The following UTRN variants were observed in gnomAD, a reference collection of about 807,000 sequenced individuals.
UTRN encodes the protein dystrophin-related protein 1.
In UTRN, 283 loss-of-function variants were observed where a neutral mutation model predicts 463.9. That is an observed-to-expected ratio of 0.61 (90% CI 0.55 to 0.67). The LOEUF is 0.67. Ranked by LOEUF, UTRN falls within the 30% of genes least tolerant of loss-of-function variation. UTRN has a pLI of 0.00. For missense variants in UTRN, 3,922 were observed against 4,084.3 expected (o/e 0.96, Z 1.08); for synonymous variants, 1,442 against 1,431.5 (o/e 1.01, Z -0.17).
At chr6:144,371,655 T>G (rs6903993) in intron 2 of UTRN, among the ~76,000 whole-genome samples, 20,344 of 150,510 alleles carry the variant, frequency 0.14, 4,100 homozygotes, top group African/African-American at 0.44. Flanking sequence ...TGATCTGCCG[T>G]CCTCGGCCTC....
At chr6:144,358,075 T>C (rs996625647) in intron 2 of UTRN, among the ~76,000 whole-genome samples, 2 of 152,342 alleles carry the variant, frequency 1.3e-5, no homozygotes, top group Middle Eastern at 3.4e-3. Context: ...TCTGTGCTCT[T>C]TGCTGAAAAA....
At chr6:144,527,371 A>G (rs1796659177) in intron 41 of UTRN, among the ~76,000 whole-genome samples, 1 of 152,174 alleles carries the variant, frequency 6.6e-6, no homozygotes, top group Non-Finnish European at 1.5e-5. Context: ...TCTTCTGTTA[A>G]TGTGATAGAT....
chr6:144,614,154 T>C (rs1240319863), intron 51 of UTRN, among the ~76,000 whole-genome samples: 3 of 152,084 alleles, frequency 2.0e-5, no homozygotes, highest in Non-Finnish European at 4.4e-5. Flanking sequence ...CCTGAAAGAA[T>C]AGGTATAATG....
At chr6:144,559,109 AT>A (rs3061854) in intron 50 of UTRN, among the ~76,000 whole-genome samples, 10,610 of 144,250 alleles carry the variant, frequency 0.074, 920 homozygotes, top group African/African-American at 0.21. Context: ...TCTTCTTCTT[AT>A]TTTTTTTTTT....
At chr6:144,385,769 T>C (rs1781361966) in intron 2 of UTRN, among the ~76,000 whole-genome samples, 2 of 151,152 alleles carry the variant, frequency 1.3e-5, no homozygotes, top group Non-Finnish European at 2.9e-5. Flanking sequence ...AGTGCAGAGG[T>C]GCGATCTCGG....
rs2114761996 is a variant in UTRN, at chr6:144,389,910, A to T, written c.80-13213A>T. Among the ~76,000 whole-genome samples the T allele has an allele frequency of 2.0e-5, 3 of 151,894 alleles. No individual in the cohort carries two copies. In the South Asian group the frequency reaches 6.2e-4, roughly 32 times the overall value. On this transcript the variant is annotated intron_variant, in intron 2 of 74. Transcript: ENST00000367545. ...CACTGTGCCCAGCCTTTCCTTCATT[A>T]CTCTTATAATAATTCAGTAGTCCAG... is the stretch of plus-strand genomic sequence containing the variant.
intron 51 of UTRN, among the ~76,000 whole-genome samples, chr6:144,644,471 G>C (rs1049228279): frequency 3.2e-4 from 49 of 152,016 alleles, no homozygotes; most frequent in Non-Finnish European, 5.9e-5. Context: ...TTTACAAACT[G>C]TTAATATCAT....
chr6:144,733,787 G>A (rs544044451), intron 54 of UTRN, among the ~76,000 whole-genome samples: 1 of 152,238 alleles, frequency 6.6e-6, no homozygotes, highest in African/African-American at 2.4e-5. Flanking sequence ...TAACAGATGA[G>A]AAAACTGAGG....
At chr6:144,585,228 T>A (rs1802353616) in intron 51 of UTRN, among the ~76,000 whole-genome samples, 1 of 152,164 alleles carries the variant, frequency 6.6e-6, no homozygotes, top group Non-Finnish European at 1.5e-5. Context: ...ACTTCTTGAT[T>A]TATAATTTCC....
At position 144,458,925 on chromosome 6, in the gene UTRN, A is replaced by G. The variant is rs1789137061; in HGVS notation, c.2440A>G (p.Ile814Val). The change falls in exon 20 of 75, where the codon ATC becomes GTC. Residue 814 changes from isoleucine (I) to valine (V), a missense_variant. This residue lies in a region of UTRN where 2,349 missense variants were observed against 2,303.8 expected (regional missense o/e 1.02). Coordinates refer to ENST00000367545, the MANE Select transcript of UTRN (RefSeq NM_007124.3). ...GCAGCTTGATGAGCTTGAAAAGGTCATCAAGACAAAGGAGGAGTGGGTAAA... is the reference window on the plus strand; with the variant it reads ...GCAGCTTGATGAGCTTGAAAAGGTCGTCAAGACAAAGGAGGAGTGGGTAAA... ...FKQLDELEKV[I>V]KTKEEWVKHT... 6.2e-7 allele frequency: 1 copy of G among 1,613,856 alleles called. No individual in the cohort carries two copies. The highest frequency in any genetic ancestry group is 8.5e-7 in the Non-Finnish European group (1 of 1,179,992).
chr6:144,413,681 T>C (rs146003308), intron 3 of UTRN, among the ~76,000 whole-genome samples: 2 of 152,344 alleles, frequency 1.3e-5, no homozygotes, highest in Admixed American at 1.3e-4. Context: ...TAAACAAACC[T>C]ACTGTGCTTT....
At chr6:144,396,628 G>A (rs1434380621) in intron 2 of UTRN, among the ~76,000 whole-genome samples, 1 of 152,168 alleles carries the variant, frequency 6.6e-6, no homozygotes, top group African/African-American at 2.4e-5. Context: ...GAATTTAAAT[G>A]GGTAAATTGT....
intron 2 of UTRN, among the ~76,000 whole-genome samples, chr6:144,300,185 G>C (rs988595411): frequency 1.2e-4 from 18 of 151,810 alleles, no homozygotes; most frequent in African/African-American, 3.6e-4. Context: ...TGCCTCCTAG[G>C]ATCAAGTGAT....
At position 144,603,166 on chromosome 6, in the gene UTRN, G is replaced by A. The variant is rs191901792; in HGVS notation, c.7479+25878G>A. Among the ~76,000 whole-genome samples the A allele has an allele frequency of 6.8e-4, 104 of 152,060 alleles. 1 individual carries two copies. The highest frequency in any genetic ancestry group is 6.1e-3 in the Admixed American group (93 of 15,270). ...TTAACTATTTTATGTCATATTTTTA[G>A]GGCAGTGGTAAACATTCTGTTGCAT... On this transcript the variant is annotated intron_variant, in intron 51 of 74. Coordinates refer to ENST00000367545, the MANE Select transcript of UTRN (RefSeq NM_007124.3).
chr6:144,579,132 C>T (rs549555352), intron 51 of UTRN, among the ~76,000 whole-genome samples: 8 of 152,174 alleles, frequency 5.3e-5, no homozygotes, highest in South Asian at 4.1e-4. Flanking sequence ...TTATTCATTG[C>T]GCAATACATT....
At chr6:144,560,158 C>CAG (rs1164777006) in intron 50 of UTRN, among the ~76,000 whole-genome samples, 2 of 152,092 alleles carry the variant, frequency 1.3e-5, no homozygotes, top group Non-Finnish European at 2.9e-5. Context: ...AACTGAAGTA[C>CAG]AGAGAAGTTA....
intron 2 of UTRN, among the ~76,000 whole-genome samples, chr6:144,297,889 C>T (rs1804872441): frequency 6.6e-6 from 1 of 152,170 alleles, no homozygotes. Flanking sequence ...GAGGATGATT[C>T]TAAGCAAAGG....
At chr6:144,305,445 G>T (rs2114543262) in intron 2 of UTRN, among the ~76,000 whole-genome samples, 1 of 152,318 alleles carries the variant, frequency 6.6e-6, no homozygotes, top group Non-Finnish European at 1.5e-5. Flanking sequence ...ATTCCTCAAT[G>T]AAAATAGAAA....
chr6:144,436,781 TAA>T (rs1282669499), intron 10 of UTRN, among the ~76,000 whole-genome samples: 2 of 143,764 alleles, frequency 1.4e-5, no homozygotes, highest in East Asian at 3.9e-4. Context: ...ATATAATAAA[TAA>T]ATATATATTT....
Sources: gnomAD v4.1 joint callset for allele counts (sites outside exome capture counted in the v4.1 genomes callset) on GRCh38, gnomAD v4.1.1 for gene constraint, gnomAD v4.1.1 regional missense constraint, MANE v1.5 for transcripts, NCBI Gene and HGNC (gene_info 2026-07-23, HGNC 2026-07-21) for gene names.